Variants in NPAS3 observed in about 807,000 individuals in gnomAD.
The protein encoded by NPAS3 is neuronal PAS domain-containing protein 3.
A neutral mutation model predicts 73.1 loss-of-function variants in NPAS3; 14 were observed. The observed-to-expected ratio is 0.19, with a 90% confidence interval of 0.13 to 0.30. The LOEUF is 0.30. Among genes scored for constraint, NPAS3 ranks in the 10% least tolerant of loss-of-function variants. The pLI is 1.00. For missense variants in NPAS3, 1,096 were observed against 1,250.0 expected (o/e 0.88, Z 1.86); for synonymous variants, 620 against 541.5 (o/e 1.14, Z -2.01).
chr14:33,628,327 T>C (rs905975485), intron 5 of NPAS3, among the ~76,000 whole-genome samples: 1 of 152,248 alleles, frequency 6.6e-6, no homozygotes, highest in African/African-American at 2.4e-5. Flanking sequence ...GATATTCAGT[T>C]TGTCAGATAT....
At chr14:33,622,240 A>G (rs182856103) in intron 5 of NPAS3, among the ~76,000 whole-genome samples, 26 of 152,230 alleles carry the variant, frequency 1.7e-4, no homozygotes, top group Non-Finnish European at 3.5e-4. Context: ...TGGGTCCAAG[A>G]TTGGGATGCG....
chr14:33,334,640 G>C (rs928815296), intron 3 of NPAS3, among the ~76,000 whole-genome samples: 1 of 152,106 alleles, frequency 6.6e-6, no homozygotes, highest in East Asian at 1.9e-4. Flanking sequence ...TCAAAGATGA[G>C]TCTTAGGCAC....
At chr14:32,996,368 G>A (rs561325639) in intron 1 of NPAS3, among the ~76,000 whole-genome samples, 10 of 152,286 alleles carry the variant, frequency 6.6e-5, no homozygotes, top group African/African-American at 2.2e-4. Flanking sequence ...ATTCAAGCTG[G>A]CTGCAGAAAT....
chr14:33,601,206 G>T (rs1033681811), intron 5 of NPAS3, among the ~76,000 whole-genome samples: 7 of 152,180 alleles, frequency 4.6e-5, no homozygotes, highest in Admixed American at 2.0e-4. Context: ...CAGGAGAAAT[G>T]GATTCATTTT....
chr14:33,120,556 T>G (rs2043199879), intron 2 of NPAS3, among the ~76,000 whole-genome samples: 2 of 151,810 alleles, frequency 1.3e-5, no homozygotes, highest in Non-Finnish European at 2.9e-5. Context: ...CAGTTTTCAT[T>G]GTGATTTATT....
At chr14:33,723,706 C>T (rs544967320) in intron 6 of NPAS3, among the ~76,000 whole-genome samples, 24 of 91,898 alleles carry the variant, frequency 2.6e-4, no homozygotes, top group African/African-American at 1.0e-3. Flanking sequence ...TGCTTCAATA[C>T]TTCCTCTCAA....
At chr14:33,051,440 C>T (rs2040708583) in intron 1 of NPAS3, among the ~76,000 whole-genome samples, 1 of 152,148 alleles carries the variant, frequency 6.6e-6, no homozygotes, top group African/African-American at 2.4e-5. Context: ...TGTTGTTTTT[C>T]TGAAAAACTA....
intron 7 of NPAS3, among the ~76,000 whole-genome samples, chr14:33,736,487 C>T (rs980992936): frequency 4.6e-5 from 7 of 152,164 alleles, no homozygotes; most frequent in African/African-American, 1.7e-4. Flanking sequence ...TCTAGCTCTA[C>T]CCGATAGAGG....
At chr14:33,452,984 A>G (rs1350714156) in intron 4 of NPAS3, among the ~76,000 whole-genome samples, 1 of 152,132 alleles carries the variant, frequency 6.6e-6, no homozygotes, top group Non-Finnish European at 1.5e-5. Context: ...GGTATCCGAG[A>G]ATGGCTTTTT....
chr14:33,758,537 G>A (rs370037015), intron 7 of NPAS3, among the ~76,000 whole-genome samples: 2 of 152,156 alleles, frequency 1.3e-5, no homozygotes, highest in East Asian at 1.9e-4. Context: ...AAAGAAAAGC[G>A]GCCAAAGAAC....
intron 7 of NPAS3, among the ~76,000 whole-genome samples, chr14:33,763,819 T>A (rs929504142): frequency 2.7e-5 from 3 of 112,508 alleles, no homozygotes; most frequent in African/African-American, 5.4e-5. Flanking sequence ...ACTAAAGAAT[T>A]TTTTATCTAA....
At chr14:33,221,627 A>G (rs2047432408) in intron 3 of NPAS3, among the ~76,000 whole-genome samples, 1 of 152,128 alleles carries the variant, frequency 6.6e-6, no homozygotes, top group Admixed American at 6.6e-5. Flanking sequence ...TTTTTTTTAA[A>G]AGGAGAAGTA....
intron 4 of NPAS3, among the ~76,000 whole-genome samples, chr14:33,395,407 T>TA: frequency 1.9e-5 from 1 of 52,588 alleles, no homozygotes; most frequent in Admixed American, 1.9e-4. Flanking sequence ...ATAGTTCAAG[T>TA]TTTTTTTTTA....
chr14:33,050,331 G>A (rs867834570), intron 1 of NPAS3, among the ~76,000 whole-genome samples: 45 of 152,132 alleles, frequency 3.0e-4, no homozygotes, highest in African/African-American at 1.1e-3. Flanking sequence ...AGTCCTCTCT[G>A]TGGACTCATA....
chr14:32,967,496 GA>G (rs1031542010), intron 1 of NPAS3, among the ~76,000 whole-genome samples: 1 of 151,670 alleles, frequency 6.6e-6, no homozygotes, highest in Non-Finnish European at 1.5e-5. Context: ...CAACTCAATA[GA>G]AAAAAAATCT....
chr14:33,403,390 A>T (rs765885366), intron 4 of NPAS3, among the ~76,000 whole-genome samples: 5 of 152,142 alleles, frequency 3.3e-5, no homozygotes, highest in Non-Finnish European at 7.4e-5. Flanking sequence ...AAAATGCAAT[A>T]GTACAATACA....
intron 3 of NPAS3, among the ~76,000 whole-genome samples, chr14:33,330,365 G>T (rs1326427352): frequency 6.6e-6 from 1 of 152,140 alleles, no homozygotes; most frequent in Non-Finnish European, 1.5e-5. Context: ...CCAAATGAAT[G>T]ATCTCCAGAT....
chr14:33,631,532 C>T (rs1287091233), intron 5 of NPAS3, among the ~76,000 whole-genome samples: 3 of 152,184 alleles, frequency 2.0e-5, no homozygotes, highest in Non-Finnish European at 2.9e-5. Flanking sequence ...GGGAAGAGCA[C>T]GTGTCCCAGT....
At chr14:33,234,690 C>T (rs2047970917) in intron 3 of NPAS3, among the ~76,000 whole-genome samples, 1 of 152,014 alleles carries the variant, frequency 6.6e-6, no homozygotes, top group Non-Finnish European at 1.5e-5. Flanking sequence ...TGTCCCATTT[C>T]CCCAAAAAAG....
Sources: allele counts gnomAD v4.1 joint callset (sites outside exome capture counted in the v4.1 genomes callset), GRCh38; gene constraint gnomAD v4.1.1; transcripts MANE v1.5; gene names NCBI Gene and HGNC (gene_info 2026-07-23, HGNC 2026-07-21).